The following PPP1R42 variants were observed in gnomAD, a reference collection of about 807,000 sequenced individuals.
The protein encoded by PPP1R42 is protein phosphatase 1 regulatory subunit 42.
PPP1R42 carries 34 observed loss-of-function variants against 31.0 expected under a neutral mutation model. That is an observed-to-expected ratio of 1.10 (90% CI 0.83 to 1.46). PPP1R42 has a LOEUF of 1.46. Among genes scored for constraint, PPP1R42 ranks in the 40% most tolerant of loss-of-function variants. The pLI is 0.00. For synonymous variants in PPP1R42, 103 were observed against 109.8 expected (o/e 0.94, Z 0.39); for missense variants, 268 against 303.0 (o/e 0.88, Z 0.86).
intron 4 of PPP1R42, 115 bp downstream of exon 4, chr8:67,012,843 C>T (rs1316357910): frequency 3.3e-6 from 3 of 913,974 alleles, no homozygotes; most frequent in African/African-American, 1.7e-5. Flanking sequence ...TCTGAGCTGG[C>T]CATATAAACA....
chr8:66,984,154 G>T, intron 6 of PPP1R42: 2 of 1,592,912 alleles, frequency 1.3e-6, no homozygotes. Context: ...ACTCTACACA[G>T]ATTCACTCAG....
At chr8:66,988,113 G>T (rs1815081040) in intron 6 of PPP1R42, 7 of 1,032,126 alleles carry the variant, frequency 6.8e-6, no homozygotes, top group Non-Finnish European at 8.1e-6. Flanking sequence ...TTGGCAAAAG[G>T]TCAGCAAGTT....
chr8:66,998,913 T>TA (rs1302040424), intron 5 of PPP1R42, among the ~76,000 whole-genome samples: 1 of 152,176 alleles, frequency 6.6e-6, no homozygotes, highest in African/African-American at 2.4e-5. Flanking sequence ...TGTTTTTTTT[T>TA]ATATATTTCT....
intron 5 of PPP1R42, among the ~76,000 whole-genome samples, chr8:66,996,686 G>T (rs1330711690): frequency 6.6e-6 from 1 of 152,132 alleles, no homozygotes; most frequent in Admixed American, 6.6e-5. Context: ...TTCTTTTAAA[G>T]AAATCTTTAT....
intron 1 of PPP1R42, among the ~76,000 whole-genome samples, chr8:67,028,000 A>T (rs1816454024): frequency 6.6e-6 from 1 of 151,972 alleles, no homozygotes; most frequent in South Asian, 2.1e-4. Context: ...TTTGGGGGGT[A>T]CATGTGCAGG....
chr8:66,999,096 C>T (rs1166796103), intron 5 of PPP1R42, among the ~76,000 whole-genome samples: 1 of 152,156 alleles, frequency 6.6e-6, no homozygotes, highest in Non-Finnish European at 1.5e-5. Context: ...CTTTGTTCCC[C>T]CGGCCAGCTG....
chr8:67,021,262 G>C (rs1272200995), intron 1 of PPP1R42: 1 of 151,976 alleles, frequency 6.6e-6, no homozygotes, highest in East Asian at 1.9e-4. Flanking sequence ...CATTACCCAG[G>C]CTATGTTATT....
At chr8:67,006,904 G>A (rs982228027) in intron 5 of PPP1R42, among the ~76,000 whole-genome samples, 16 of 151,226 alleles carry the variant, frequency 1.1e-4, no homozygotes, top group Admixed American at 4.0e-4. Flanking sequence ...CCACACACCC[G>A]GCTAATTTTT....
intron 5 of PPP1R42, among the ~76,000 whole-genome samples, chr8:66,992,805 G>A (rs568783413): frequency 4.9e-4 from 74 of 152,288 alleles, no homozygotes; most frequent in African/African-American, 1.6e-3. Context: ...AAGAAAGAGA[G>A]GTCATCTATT....
At chr8:67,019,522 G>A (rs1368372637) in intron 1 of PPP1R42, among the ~76,000 whole-genome samples, 1 of 151,774 alleles carries the variant, frequency 6.6e-6, no homozygotes, top group Non-Finnish European at 1.5e-5. Context: ...ACAGGCGTGA[G>A]CCATCGCGCC....
intron 6 of PPP1R42, chr8:66,984,026 T>G (rs1252250431): frequency 8.7e-6 from 10 of 1,146,012 alleles, no homozygotes; most frequent in Non-Finnish European, 1.3e-5. Flanking sequence ...AATGTCTGCT[T>G]GGCACAGTTC....
In PPP1R42 at chr8:67,017,641, GA is replaced by G; in HGVS notation, c.106del (p.Ser36GlnfsTer5). On this transcript the variant is annotated frameshift_variant, in exon 2 of 8. Transcript: ENST00000685739. LOFTEE classifies it high-confidence loss of function. Reference protein sequence around the residue: ...CLKKITHINFSDKNIDAIEDL... With the variant: ...CLKKITHINFXDKNIDAIEDL... Reference sequence around the variant, plus strand: ...TACAATTGCATCTATATTTTTGTCTGAAAAATTTATATGAGTTATTTTCTTC... The same window carrying G: ...TACAATTGCATCTATATTTTTGTCTGAAAATTTATATGAGTTATTTTCTTC... The G allele has an allele frequency of 6.5e-7, 1 of 1,546,526 alleles. No homozygotes were observed. The highest frequency in any genetic ancestry group is 8.7e-7 in the Non-Finnish European group (1 of 1,145,828).
intron 7 of PPP1R42, among the ~76,000 whole-genome samples, chr8:66,974,648 T>G (rs553667466): frequency 6.6e-6 from 1 of 152,322 alleles, no homozygotes; most frequent in Admixed American, 6.5e-5. Context: ...ACATTGAGTA[T>G]TTCTTCATAT....
intron 7 of PPP1R42, among the ~76,000 whole-genome samples, chr8:66,973,121 T>C (rs1814577488): frequency 6.6e-6 from 1 of 152,186 alleles, no homozygotes; most frequent in Non-Finnish European, 1.5e-5. Context: ...TGCCCCCTCT[T>C]CTTTGCCTTC....
At chr8:66,985,898 T>G in intron 6 of PPP1R42, 1 of 937,276 alleles carries the variant, frequency 1.1e-6, no homozygotes, top group South Asian at 1.5e-5. Context: ...TATTTGCTGC[T>G]TCTTTACTCC....
At chr8:66,980,845 T>TC (rs2130922638) in intron 7 of PPP1R42, among the ~76,000 whole-genome samples, 1 of 145,898 alleles carries the variant, frequency 6.9e-6, no homozygotes. Flanking sequence ...TGGTCAGTTC[T>TC]TTTTTTTTTT....
At position 66,964,170 on chromosome 8, in the gene PPP1R42, G is replaced by C; in HGVS notation, c.*151C>G. The stretch of plus-strand genomic sequence containing the variant: ...AACCCACAAAAGATATTGTTGCCTA[G>C]TCATATAAGGTTAAAAACAAAATCA... On this transcript the variant is annotated 3_prime_UTR_variant, in exon 8 of 8. Coordinates refer to ENST00000685739, the MANE Select transcript of PPP1R42 (RefSeq NM_001364910.1). The C allele has an allele frequency of 2.1e-6, 1 of 475,220 alleles. No individual in the cohort carries two copies. The highest frequency in any genetic ancestry group is 4.0e-6 in the Non-Finnish European group (1 of 249,444). The allele number at this position is 475,220 out of a possible 1,614,324, so 29.4% of individuals were successfully genotyped here.
chr8:66,985,601 G>T, intron 6 of PPP1R42: 1 of 1,372,188 alleles, frequency 7.3e-7, no homozygotes, highest in South Asian at 1.2e-5. Flanking sequence ...ATTCGAGCTT[G>T]TAGTTCAGCT....
chr8:67,012,915 T>G (rs1356578428), intron 4 of PPP1R42, 43 bp downstream of exon 4: 6 of 1,533,324 alleles, frequency 3.9e-6, no homozygotes, highest in Non-Finnish European at 4.4e-6. Context: ...TATAACTTGT[T>G]AATCACTATA....
Sources: allele counts gnomAD v4.1 joint callset (sites outside exome capture counted in the v4.1 genomes callset), GRCh38; gene constraint gnomAD v4.1.1; transcripts MANE v1.5; gene names NCBI Gene and HGNC (gene_info 2026-07-23, HGNC 2026-07-21).